Variants in SLC8B1 observed in about 807,000 individuals in gnomAD.
SLC8B1 encodes the protein solute carrier family 8 member B1.
In SLC8B1, 52 loss-of-function variants were observed where a neutral mutation model predicts 63.4. That is an observed-to-expected ratio of 0.82 (90% CI 0.66 to 1.03). The LOEUF (loss-of-function observed/expected upper bound fraction) is 1.03. Among genes scored for constraint, SLC8B1 ranks in the 50% least tolerant of loss-of-function variants. The pLI is 0.00. For missense variants in SLC8B1, 657 were observed against 741.7 expected (o/e 0.89, Z 1.33); for synonymous variants, 336 against 323.9 (o/e 1.04, Z -0.40).
intron 2 of SLC8B1, among the ~76,000 whole-genome samples, chr12:113,332,347 CT>C (rs1430652275): frequency 2.0e-5 from 3 of 152,324 alleles, no homozygotes; most frequent in Non-Finnish European, 4.4e-5. Flanking sequence ...TCCTGGCTCA[CT>C]GCAACATCCA....
In SLC8B1 at chr12:113,306,520, G is replaced by A. The variant is rs142106014; in HGVS notation, c.1467C>T (p.Ser489=). The A allele has an allele frequency of 1.0e-4, 169 of 1,613,576 alleles. 1 individual carries two copies. Among genetic ancestry groups the A allele is most frequent in the South Asian group, 9.6e-4 (87 of 91,052 alleles). Residue 489 remains serine (S), a synonymous_variant, in exon 14 of 16, where the codon TCC becomes TCT. Transcript: ENST00000680972. ...TGAAGATGATGCCGCCAAAGCAGGC[G>A]GAGAACGCCATCCGTGGGTAGCCCT... is the stretch of plus-strand genomic sequence containing the variant. ...ARQGYPRMAF[S]ACFGGIIFNI... is the part of the protein sequence containing the mutation.
chr12:113,328,112 A>C (rs779681751), intron 2 of SLC8B1, among the ~76,000 whole-genome samples: 1 of 152,010 alleles, frequency 6.6e-6, no homozygotes, highest in Non-Finnish European at 1.5e-5. Context: ...AGCTCACTCC[A>C]GCCTCAACCA....
intron 11 of SLC8B1, 109 bp downstream of exon 11, chr12:113,315,226 G>A (rs1956817916): frequency 8.5e-7 from 1 of 1,174,652 alleles, no homozygotes; most frequent in Non-Finnish European, 1.1e-6. Context: ...GTGGAGGGAG[G>A]TTGCAGTGAG....
rs1957104493 is a variant in SLC8B1, at chr12:113,334,637, A to C, written c.-277T>G. On this transcript the variant is annotated 5_prime_UTR_variant, in exon 1 of 16. Coordinates refer to ENST00000680972, the MANE Select transcript of SLC8B1 (RefSeq NM_001358345.2). Reference sequence around the variant, plus strand: ...GGGCCTCTTATTCCTCATGTGTGAAATGGACACAAATGCTGGCCGACGCGG... The same window carrying C: ...GGGCCTCTTATTCCTCATGTGTGAACTGGACACAAATGCTGGCCGACGCGG... 6.6e-6 allele frequency: 1 copy of C among 152,380 alleles called. No individual in the cohort carries two copies. Among genetic ancestry groups the C allele is most frequent in the Admixed American group, 6.5e-5 (1 of 15,306 alleles). The allele number at this position is 152,380 out of a possible 1,614,324, so 9.4% of individuals were successfully genotyped here. A position where few individuals can be genotyped will look rare whatever the true frequency, so the allele number is the denominator to read the frequency against.
intron 2 of SLC8B1, among the ~76,000 whole-genome samples, chr12:113,323,054 A>G (rs1395138392): frequency 1.3e-5 from 2 of 152,232 alleles, no homozygotes; most frequent in Non-Finnish European, 2.9e-5. Flanking sequence ...GAGCTTAATC[A>G]GGAGGCAAGG....
intron 8 of SLC8B1, among the ~76,000 whole-genome samples, chr12:113,318,153 T>G (rs1956863790): frequency 6.6e-6 from 1 of 152,190 alleles, no homozygotes; most frequent in Non-Finnish European, 1.5e-5. Flanking sequence ...TGTGCATGCA[T>G]GTTTTGTGTT....
chr12:113,315,227 T>C, intron 11 of SLC8B1, 108 bp downstream of exon 11: 2 of 1,165,008 alleles, frequency 1.7e-6, no homozygotes, highest in Non-Finnish European at 2.3e-6. Flanking sequence ...TGGAGGGAGG[T>C]TGCAGTGAGC....
intron 12 of SLC8B1, among the ~76,000 whole-genome samples, chr12:113,309,532 T>C (rs1213233158): frequency 6.6e-6 from 1 of 152,158 alleles, no homozygotes; most frequent in African/African-American, 2.4e-5. Context: ...GGCAGGAGGA[T>C]TGCTTGAGGC....
At chr12:113,333,607 C>T (rs954173316) in intron 1 of SLC8B1, among the ~76,000 whole-genome samples, 1 of 152,264 alleles carries the variant, frequency 6.6e-6, no homozygotes, top group African/African-American at 2.4e-5. Flanking sequence ...CCCTGCATCA[C>T]GCCTCCCTCA....
intron 2 of SLC8B1, among the ~76,000 whole-genome samples, chr12:113,330,596 T>A (rs1026797458): frequency 2.0e-5 from 3 of 152,196 alleles, no homozygotes; most frequent in Non-Finnish European, 4.4e-5. Context: ...TCTGGCACAA[T>A]TATCTGGTAT....
intron 2 of SLC8B1, among the ~76,000 whole-genome samples, chr12:113,328,881 A>T (rs1190026389): frequency 6.6e-6 from 1 of 151,790 alleles, no homozygotes; most frequent in Non-Finnish European, 1.5e-5. Flanking sequence ...CCTCCCGAGT[A>T]GCTGGGATTG....
At chr12:113,319,534 T>C (rs904997131) in intron 7 of SLC8B1, among the ~76,000 whole-genome samples, 1 of 152,094 alleles carries the variant, frequency 6.6e-6, no homozygotes, top group Non-Finnish European at 1.5e-5. Flanking sequence ...CCTCCAGCCC[T>C]CCAACTCTCA....
rs182084091 is a variant in SLC8B1 at position 113,320,819 on chromosome 12, C to A, written c.420+31G>T. 5.7e-6 allele frequency: 9 copies of A among 1,592,134 alleles called. No individual in the cohort carries two copies. In the East Asian group the frequency reaches 1.4e-4, roughly 24 times the overall value. On this transcript the variant is annotated intron_variant, in intron 5 of 15. Coordinates refer to ENST00000680972, the MANE Select transcript of SLC8B1 (RefSeq NM_001358345.2). This position sits in a 1 kb window ranked among gnomAD's most constrained non-coding sequence, Gnocchi z 5.3. Reference sequence around the variant, plus strand: ...CAGCCTCCCCACAACTGCCCTCCCTCCAGGGTGCAGGACACTGGACAAAAG... The same window carrying A: ...CAGCCTCCCCACAACTGCCCTCCCTACAGGGTGCAGGACACTGGACAAAAG...
At chr12:113,304,848 G>A (rs184536147) in intron 14 of SLC8B1, among the ~76,000 whole-genome samples, 18 of 152,142 alleles carry the variant, frequency 1.2e-4, no homozygotes, top group Admixed American at 1.0e-3. Context: ...AGTGATTCTC[G>A]TGCCTCAGGC....
chr12:113,302,480 T>G (rs186877435), intron 15 of SLC8B1: 73 of 346,190 alleles, frequency 2.1e-4, no homozygotes, highest in Non-Finnish European at 3.6e-4. Flanking sequence ...ATGGCAGCAC[T>G]AGGGAACTAA....
intron 2 of SLC8B1, among the ~76,000 whole-genome samples, chr12:113,325,160 T>G (rs888089806): frequency 3.3e-5 from 5 of 152,148 alleles, no homozygotes; most frequent in Admixed American, 1.3e-4. Context: ...AGACTTTCCA[T>G]GTAAAGTAGT....
At chr12:113,328,662 C>T (rs1272859810) in intron 2 of SLC8B1, among the ~76,000 whole-genome samples, 1 of 152,092 alleles carries the variant, frequency 6.6e-6, no homozygotes, top group Admixed American at 6.6e-5. Flanking sequence ...AATCCACATT[C>T]ACCACCCAAT....
intron 15 of SLC8B1, among the ~76,000 whole-genome samples, 189 bp from the exon 16 acceptor site, chr12:113,300,163 A>G (rs1211727055): frequency 1.3e-5 from 2 of 152,124 alleles, no homozygotes; most frequent in Non-Finnish European, 2.9e-5. Flanking sequence ...TGCACCCTCA[A>G]CAACAATGCA....
rs372887856 is a variant in SLC8B1, at chr12:113,332,701, A to G, written c.156+22T>C. The G allele has an allele frequency of 2.0e-5, 32 of 1,607,506 alleles. No individual in the cohort carries two copies. In the East Asian group the frequency reaches 5.1e-4, roughly 26 times the overall value. On this transcript the variant is annotated intron_variant, in intron 2 of 15. Coordinates refer to ENST00000680972, the MANE Select transcript of SLC8B1 (RefSeq NM_001358345.2). Reference sequence around the variant, plus strand: ...GAGGAACACAGCCCCACTCAACCCCAGGTTCCTACCGGGATACTCACGTCT... The same window carrying G: ...GAGGAACACAGCCCCACTCAACCCCGGGTTCCTACCGGGATACTCACGTCT...
Sources: gnomAD v4.1 joint callset for allele counts (sites outside exome capture counted in the v4.1 genomes callset) on GRCh38, gnomAD v4.1.1 for gene constraint, Gnocchi (gnomAD v3.1) non-coding constraint, MANE v1.5 for transcripts, NCBI Gene and HGNC (gene_info 2026-07-23, HGNC 2026-07-21) for gene names.